The following NFKBIZ variants were observed in gnomAD, a reference collection of about 807,000 sequenced individuals.
NFKBIZ encodes NFKB inhibitor zeta.
In NFKBIZ, 19 loss-of-function variants were observed where a neutral mutation model predicts 76.8. That is an observed-to-expected ratio of 0.25 (90% CI 0.17 to 0.36). The LOEUF (loss-of-function observed/expected upper bound fraction) is 0.36, where lower values mean the gene tolerates loss of function less well. NFKBIZ is among the 10% of genes least tolerant of loss of function. NFKBIZ has a pLI of 1.00. For missense variants in NFKBIZ, 829 were observed against 910.9 expected, an observed-to-expected ratio of 0.91 and a Z score of 1.16; for synonymous variants, 368 against 354.8, an observed-to-expected ratio of 1.04 and a Z score of -0.42.
At chr3:101,855,255 T>C in intron 7 of NFKBIZ, 47 bp downstream of exon 7, 1 of 1,598,734 alleles carries the variant, frequency 6.3e-7, no homozygotes, top group Admixed American at 1.7e-5. Context: ...GCCAGAGAGA[T>C]AGAGTTGGAT....
At position 101,849,759 on chromosome 3, in the gene NFKBIZ, C is replaced by T. The variant is rs1434802185; in HGVS notation, c.131C>T (p.Ala44Val). Residue 44 changes from alanine to valine, a missense_variant, in exon 1 of 12, where the codon GCC becomes GTC. Physicochemically the swap from Ala to Val is moderately conservative, Grantham distance 64. Around this residue, in one of 4 missense-constraint regions of NFKBIZ, gnomAD observed 181 missense variants for 175.3 expected, o/e 1.03. Transcript: ENST00000326172. ...TACGGCGCGTCGCCGCCCGCCGCCGCCCCGGGCGCCTGCGACGCCAGCTGC... is the reference window on the plus strand; with the variant it reads ...TACGGCGCGTCGCCGCCCGCCGCCGTCCCGGGCGCCTGCGACGCCAGCTGC... ...YFYGASPPAA[A>V]PGACDASCSV... 18 of 1,452,788 alleles carry T rather than the reference C, an allele frequency of 1.2e-5. No homozygotes were observed. The highest frequency in any genetic ancestry group is 1.6e-5 in the Non-Finnish European group (18 of 1,107,912). 90.0% of individuals were successfully genotyped at this position (1,452,788 alleles called of 1,614,324 possible). A position where few individuals can be genotyped will look rare whatever the true frequency, so the allele number is the denominator to read the frequency against.
At position 101,852,616 on chromosome 3, in the gene NFKBIZ, G is replaced by A. The variant is rs1174887880; in HGVS notation, c.430-122G>A. ...TTGATATAGAAAATCAATATTGATA[G>A]AAAAACCATATCAGAGATTTATGGT... On this transcript the variant is annotated intron_variant, in intron 2 of 11. Transcript: ENST00000326172. 4.5e-6 allele frequency: 3 copies of A among 666,740 alleles called. No individual in the cohort carries two copies. In the African/African-American group the frequency reaches 5.5e-5, roughly 12 times the overall value. The allele number at this position is 666,740 out of a possible 1,614,324, so 41.3% of individuals were successfully genotyped here. A position where few individuals can be genotyped will look rare whatever the true frequency, so the allele number is the denominator to read the frequency against.
chr3:101,848,815 C>G (rs1175456697), upstream of NFKBIZ: 1 of 152,220 alleles, frequency 6.6e-6, no homozygotes, highest in Non-Finnish European at 1.5e-5. Context: ...ACTTTTTATT[C>G]ATGGCTGCAC....
At chr3:101,844,159 A>G (rs2107405086) in intron 2 of NFKBIZ, among the ~76,000 whole-genome samples, 1 of 152,374 alleles carries the variant, frequency 6.6e-6, no homozygotes, top group Non-Finnish European at 1.5e-5. Context: ...ACAGTATTTG[A>G]TTAGAACAAA....
Position 101,857,109 on chromosome 3 carries a change from G to A in NFKBIZ, c.1861G>A (p.Ala621Thr). 2 of 1,613,920 alleles carry A rather than the reference G, an allele frequency of 1.2e-6. No individual in the cohort carries two copies. The highest frequency in any genetic ancestry group is 2.2e-5 in the East Asian group (1 of 44,878). ...TGGCCGCACAGCCCTGCATTTGGCA[G>A]CTGAAGAAGCAAATCTGGAACTCAT... ...KSGRTALHLA[A>T]EEANLELIRL... is the part of the protein sequence containing the mutation. The change falls in exon 10 of 12, where the codon GCT (alanine) becomes ACT (threonine). Residue 621 changes from alanine (A) to threonine (T), a missense_variant. Ala to Thr is a moderately conservative substitution (Grantham distance 58). Coordinates refer to ENST00000326172, the MANE Select transcript of NFKBIZ (RefSeq NM_031419.4).
In NFKBIZ at chr3:101,860,932, A is replaced by T. The variant is rs965737862; in HGVS notation, c.*1561A>T. 2 of 152,080 alleles carry T rather than the reference A, an allele frequency of 1.3e-5. No individual in the cohort carries two copies. The highest frequency in any genetic ancestry group is 2.4e-5 in the African/African-American group (1 of 41,406). 9.4% of individuals were successfully genotyped at this position (152,080 alleles called of 1,614,324 possible). A position where few individuals can be genotyped will look rare whatever the true frequency, so the allele number is the denominator to read the frequency against. ...TATGTCTTGTAGACACGTTAGTTAT[A>T]ATCACCTTGTATCTCTAAATATGGT... On this transcript the variant is annotated 3_prime_UTR_variant, in exon 12 of 12. Coordinates refer to ENST00000326172, the MANE Select transcript of NFKBIZ (RefSeq NM_031419.4).
chr3:101,854,750 T>G (rs1943024332), intron 6 of NFKBIZ, 67 bp downstream of exon 6: 1 of 1,093,374 alleles, frequency 9.1e-7, no homozygotes, highest in African/African-American at 1.6e-5. Flanking sequence ...ATGACCAGCC[T>G]TATGTGTAGA....
chr3:101,855,906 A>G lies in NFKBIZ; in HGVS notation c.1824+4A>G, dbSNP rs954007726. 6.3e-7 allele frequency: 1 copy of G among 1,599,760 alleles called. No homozygotes were observed. The highest frequency in any genetic ancestry group is 8.5e-7 in the Non-Finnish European group (1 of 1,172,554). On this transcript the variant is annotated splice_donor_region_variant and intron_variant, in intron 9 of 11. Transcript: ENST00000326172. ...GGGAGCAGCGGTGGAAGCGAAGGTA[A>G]ATTCACAGAAAAGGTTTAAGATGGG...
rs771328247 is a variant in NFKBIZ, at chr3:101,860,922, C to T, written c.*1551C>T. ...TTTGACCCAGTATGTCTTGTAGACACGTTAGTTATAATCACCTTGTATCTC... is the reference window on the plus strand; with the variant it reads ...TTTGACCCAGTATGTCTTGTAGACATGTTAGTTATAATCACCTTGTATCTC... On this transcript the variant is annotated 3_prime_UTR_variant, in exon 12 of 12. Coordinates refer to ENST00000326172, the MANE Select transcript of NFKBIZ (RefSeq NM_031419.4). The T allele has an allele frequency of 1.6e-4, 25 of 151,832 alleles. No homozygotes were observed. The highest frequency in any genetic ancestry group is 3.9e-4 in the East Asian group (2 of 5,170). 9.4% of individuals were successfully genotyped at this position (151,832 alleles called of 1,614,324 possible).
chr3:101,832,566 C>T (rs1321024467), intron 2 of NFKBIZ, among the ~76,000 whole-genome samples: 1 of 152,168 alleles, frequency 6.6e-6, no homozygotes, highest in Non-Finnish European at 1.5e-5. Flanking sequence ...CATATAATAC[C>T]TATCTTCTTA....
intron 7 of NFKBIZ, 86 bp from the exon 8 acceptor site, chr3:101,855,309 G>T: frequency 6.2e-7 from 1 of 1,605,510 alleles, no homozygotes; most frequent in Non-Finnish European, 8.5e-7. Flanking sequence ...GATCTATTTT[G>T]AGTTAACTTA....
rs1197805147 is a variant in NFKBIZ, at chr3:101,853,472, C to A, written c.946C>A (p.Pro316Thr). ...TCTGGAATACAGTCCTTTTCCCATA[C>A]CTCCCCAGTCCCCCGCTTATGAACC... ...PTLEYSPFPI[P>T]PQSPAYEPNL... The change falls in exon 5 of 12, where the codon CCT becomes ACT. Residue 316 changes from proline (P) to threonine (T), a missense_variant. By Grantham distance (38) the Pro-to-Thr change is conservative. Transcript: ENST00000326172. 3.1e-6 allele frequency: 5 copies of A among 1,614,210 alleles called. No homozygotes were observed. Among genetic ancestry groups the A allele is most frequent in the Non-Finnish European group, 4.2e-6 (5 of 1,180,032 alleles).
At chr3:101,858,581 T>A (rs765657654) in intron 11 of NFKBIZ, among the ~76,000 whole-genome samples, 8 of 152,198 alleles carry the variant, frequency 5.3e-5, no homozygotes, top group Non-Finnish European at 1.0e-4. Context: ...TGCTTTGGTA[T>A]TTTGTGTGTG....
intron 11 of NFKBIZ, 23 bp downstream of exon 11, chr3:101,857,482 G>A (rs758944918): frequency 6.2e-7 from 1 of 1,612,900 alleles, no homozygotes; most frequent in East Asian, 2.2e-5. Flanking sequence ...GGAGGGAGAG[G>A]AAGTATTTTT....
chr3:101,853,393 T>C lies in NFKBIZ; in HGVS notation c.867T>C (p.Tyr289=). Reference sequence around the variant, plus strand: ...TAGACCAGGCTTCCCTGTACCAGTATTCTCCACAGAACCAGCATGTAGAGC... The same window carrying C: ...TAGACCAGGCTTCCCTGTACCAGTACTCTCCACAGAACCAGCATGTAGAGC... ...QMIDQASLYQ[Y]SPQNQHVEQQ... The change falls in exon 5 of 12, where the codon TAT becomes TAC. Residue 289 remains tyrosine (Y), a synonymous_variant. Transcript: ENST00000326172. 2 of 1,614,116 alleles carry C rather than the reference T, an allele frequency of 1.2e-6. No individual in the cohort carries two copies. The highest frequency in any genetic ancestry group is 1.7e-6 in the Non-Finnish European group (2 of 1,180,024).
chr3:101,846,023 C>T (rs1473553658), upstream of NFKBIZ, among the ~76,000 whole-genome samples: 1 of 152,142 alleles, frequency 6.6e-6, no homozygotes, highest in African/African-American at 2.4e-5. Context: ...TCTCAAGGCC[C>T]CATATTTCGT....
upstream of NFKBIZ, among the ~76,000 whole-genome samples, chr3:101,846,652 C>T (rs1418988354): frequency 1.3e-5 from 2 of 152,170 alleles, no homozygotes; most frequent in Non-Finnish European, 2.9e-5. Flanking sequence ...TTACTTTCTA[C>T]GGATTTATTT....
chr3:101,836,723 G>T (rs541715234), intron 2 of NFKBIZ, among the ~76,000 whole-genome samples: 2 of 151,986 alleles, frequency 1.3e-5, no homozygotes, highest in African/African-American at 4.8e-5. Flanking sequence ...ATAAATGAAC[G>T]TACAGACACA....
chr3:101,849,495 G>A (rs1942910827), upstream of NFKBIZ: 4 of 729,826 alleles, frequency 5.5e-6, no homozygotes, highest in East Asian at 1.4e-4. Flanking sequence ...AAATACCCTG[G>A]CAGTCCCGCG....
Sources: allele counts gnomAD v4.1 joint callset (sites outside exome capture counted in the v4.1 genomes callset), GRCh38; gene constraint gnomAD v4.1.1; regional missense constraint gnomAD v4.1.1; transcripts MANE v1.5; gene names NCBI Gene and HGNC (gene_info 2026-07-23, HGNC 2026-07-21).